NUP160: variants seen among roughly 807,000 people sequenced by gnomAD.
NUP160 encodes the protein nucleoporin 160.
A neutral mutation model predicts 196.9 loss-of-function variants in NUP160; 94 were observed. The ratio of observed to expected loss-of-function variants is 0.48; its 90% CI spans 0.40 to 0.57. NUP160 has a LOEUF of 0.57. Ranked by LOEUF, NUP160 falls within the 20% of genes least tolerant of loss-of-function variation. NUP160 has a pLI of 0.00. For synonymous variants in NUP160, 605 were observed against 619.7 expected (o/e 0.98, Z 0.35); for missense variants, 1,638 against 1,748.3 (o/e 0.94, Z 1.13).
chr11:47,815,262 A>C (rs58556689), intron 13 of NUP160: 4,687 of 377,314 alleles, frequency 0.012, 83 homozygotes, highest in African/African-American at 0.058. Flanking sequence ...AATAAAATAC[A>C]AAAAAAGTAT....
exon 16 of NUP160, chr11:47,812,411 A>G (rs1284924684): frequency 1.9e-6 from 3 of 1,613,338 alleles, no homozygotes; most frequent in Non-Finnish European, 2.5e-6. Flanking sequence ...TACTACAAAT[A>G]TCCTCCATCA....
chr11:47,795,426 T>C (rs2097670343), intron 27 of NUP160, among the ~76,000 whole-genome samples: 1 of 152,194 alleles, frequency 6.6e-6, no homozygotes, highest in South Asian at 2.1e-4. Context: ...TCCCTTCCTA[T>C]ATGATTCAAG....
chr11:47,801,908 G>T, exon 23 of NUP160: 5 of 1,613,748 alleles, frequency 3.1e-6, no homozygotes, highest in Non-Finnish European at 4.2e-6. Flanking sequence ...TTCAGATGCT[G>T]CCTGACAAAA....
intron 7 of NUP160, among the ~76,000 whole-genome samples, chr11:47,835,025 A>T (rs1852146932): frequency 6.6e-6 from 1 of 152,134 alleles, no homozygotes; most frequent in Non-Finnish European, 1.5e-5. Flanking sequence ...AAGGGCATCC[A>T]GGAAGGGCAG....
At chr11:47,826,371 C>T (rs1851968197) in intron 7 of NUP160, among the ~76,000 whole-genome samples, 5 of 152,160 alleles carry the variant, frequency 3.3e-5, no homozygotes, top group Admixed American at 2.6e-4. Flanking sequence ...AAAAGTTATT[C>T]TGATTTTAGG....
At chr11:47,822,266 T>C (rs1028186421) in intron 7 of NUP160, 102 bp from the exon 8 acceptor site, 7 of 758,104 alleles carry the variant, frequency 9.2e-6, no homozygotes, top group Non-Finnish European at 1.5e-5. Flanking sequence ...AAAAAATTTT[T>C]TTTTTTTTGA....
intron 7 of NUP160, among the ~76,000 whole-genome samples, chr11:47,828,707 T>A (rs914727985): frequency 2.0e-5 from 3 of 152,070 alleles, no homozygotes; most frequent in Non-Finnish European, 4.4e-5. Flanking sequence ...GCAAGAGTAA[T>A]CAAGACAGTG....
chr11:47,834,938 G>A (rs947858801), intron 7 of NUP160, among the ~76,000 whole-genome samples: 9 of 152,046 alleles, frequency 5.9e-5, no homozygotes, highest in Admixed American at 2.0e-4. Flanking sequence ...GTGGTCTCAG[G>A]GCCCAAACAG....
At chr11:47,808,455 A>C (rs777697115) in exon 18 of NUP160, 12 of 1,613,956 alleles carry the variant, frequency 7.4e-6, no homozygotes, top group Non-Finnish European at 1.0e-5. Context: ...TGAGGTAATA[A>C]GATAAGAGTA....
chr11:47,802,322 T>A (rs924034576), intron 22 of NUP160, among the ~76,000 whole-genome samples: 4 of 152,060 alleles, frequency 2.6e-5, no homozygotes, highest in Non-Finnish European at 4.4e-5. Flanking sequence ...TCCCAGCTAC[T>A]CAGGAGGCTG....
chr11:47,790,226 G>GT (rs556167289), intron 29 of NUP160, among the ~76,000 whole-genome samples: 6 of 151,554 alleles, frequency 4.0e-5, no homozygotes, highest in Non-Finnish European at 8.8e-5. Flanking sequence ...GATTACAGGC[G>GT]TGAGTCACTG....
chr11:47,779,723 ATTTC>A (rs1314020697), intron 35 of NUP160: 3 of 384,946 alleles, frequency 7.8e-6, no homozygotes, highest in South Asian at 2.1e-5. Context: ...ATCACACTGT[ATTTC>A]TTTCTTTTTC....
chr11:47,838,465 T>C (rs1018492976), intron 4 of NUP160, among the ~76,000 whole-genome samples: 14 of 152,206 alleles, frequency 9.2e-5, no homozygotes, highest in Non-Finnish European at 1.9e-4. Flanking sequence ...CCCAGCACTT[T>C]GGGAAGCTGA....
chr11:47,804,663 T>C (rs777984224), intron 20 of NUP160, 45 bp from the exon 21 acceptor site: 2 of 1,286,162 alleles, frequency 1.6e-6, no homozygotes, highest in East Asian at 5.4e-5. Flanking sequence ...TTGGCAAATC[T>C]TAAACATATA....
At chr11:47,844,991 G>C (rs1337004894) in intron 2 of NUP160, among the ~76,000 whole-genome samples, 1 of 152,168 alleles carries the variant, frequency 6.6e-6, no homozygotes, top group East Asian at 1.9e-4. Flanking sequence ...GTTTACAAAT[G>C]CCATGGCAAC....
chr11:47,792,593 C>T, intron 28 of NUP160, 193 bp downstream of exon 28: 1 of 530,010 alleles, frequency 1.9e-6, no homozygotes, highest in East Asian at 3.3e-5. Flanking sequence ...TACAATAATT[C>T]TGAACTTGAA....
intron 11 of NUP160, 86 bp from the exon 12 acceptor site, chr11:47,816,115 TAAAACTATATAATAGA>T: frequency 1.2e-6 from 1 of 864,830 alleles, no homozygotes; most frequent in Non-Finnish European, 1.9e-6. Flanking sequence ...AGAGGCAATA[TAAAACTATATAATAGA>T]GATTTGGCAT....
At chr11:47,791,151 T>A (rs974819082) in intron 29 of NUP160, among the ~76,000 whole-genome samples, 91 of 87,842 alleles carry the variant, frequency 1.0e-3, no homozygotes, top group Non-Finnish European at 2.4e-3. Flanking sequence ...TTCACAAATT[T>A]TCTCTTCTTT....
rs747035126 is a variant in NUP160 at position 47,847,813 on chromosome 11, C to A, written c.314+35G>T. The A allele has an allele frequency of 8.8e-6, 13 of 1,470,600 alleles. No individual in the cohort carries two copies. The South Asian group carries it at 1.0e-4, about 12-fold the overall frequency. The allele number at this position is 1,470,600 out of a possible 1,614,324, so 91.1% of individuals were successfully genotyped here. On this transcript the variant is annotated intron_variant, in intron 2 of 35. Coordinates refer to ENST00000378460, the Ensembl canonical transcript of NUP160. ...ACGAAAATTTATACACCAAACCCTA[C>A]CTTCCAGGGGAGTTTGGCGAACCAC...
Sources: allele counts gnomAD v4.1 joint callset (sites outside exome capture counted in the v4.1 genomes callset), GRCh38; gene constraint gnomAD v4.1.1; transcripts MANE v1.5; gene names NCBI Gene and HGNC (gene_info 2026-07-23, HGNC 2026-07-21).